SPTBN4: variants seen among roughly 807,000 people sequenced by gnomAD.
SPTBN4 encodes the protein spectrin beta chain, non-erythrocytic 4.
SPTBN4 carries 96 observed loss-of-function variants against 277.8 expected under a neutral mutation model. That is an observed-to-expected ratio of 0.35 (90% confidence interval 0.29 to 0.41). SPTBN4 has a LOEUF of 0.41. Among genes scored for constraint, SPTBN4 ranks in the 10% least tolerant of loss-of-function variants. SPTBN4 has a pLI of 1.00. For missense variants in SPTBN4, 3,006 were observed against 3,595.7 expected, an observed-to-expected ratio of 0.84 and a Z score of 4.19; for synonymous variants, 1,481 against 1,580.3, an observed-to-expected ratio of 0.94 and a Z score of 1.49.
chr19:40,566,115 A>T, intron 29 of SPTBN4, 48 bp from the exon 30 acceptor site: 1 of 1,451,384 alleles, frequency 6.9e-7, no homozygotes. Flanking sequence ...TGCCCCCAGG[A>T]AGGGCCCCAG....
chr19:40,502,769 C>T lies in SPTBN4; in HGVS notation c.1204-6C>T, dbSNP rs2080278132. The T allele has an allele frequency of 6.2e-7, 1 of 1,613,042 alleles. No individual in the cohort carries two copies. The highest frequency in any genetic ancestry group is 1.7e-5 in the Admixed American group (1 of 59,902). ...GAGTCTGAGTGCCTCCTCCCATCTCCTGCAGGCATGGGGTGAGCTGGAGAA... is the reference window on the plus strand; with the variant it reads ...GAGTCTGAGTGCCTCCTCCCATCTCTTGCAGGCATGGGGTGAGCTGGAGAA... On this transcript the variant is annotated splice_polypyrimidine_tract_variant and splice_region_variant and intron_variant, in intron 10 of 35. Transcript: ENST00000598249. The surrounding 1 kb of genome is among the most constrained non-coding windows in gnomAD (Gnocchi z 4.9).
At chr19:40,496,267 A>T (rs1347948536) in intron 6 of SPTBN4, among the ~76,000 whole-genome samples, 1 of 152,190 alleles carries the variant, frequency 6.6e-6, no homozygotes, top group African/African-American at 2.4e-5. Flanking sequence ...CTCCTGCCTC[A>T]GCGTCCTGAG....
At position 40,513,003 on chromosome 19, in the gene SPTBN4, C is replaced by T. The variant is rs1457021059; in HGVS notation, c.2214C>T (p.Thr738=). Residue 738 remains threonine (T), a synonymous_variant, in exon 14 of 36, where the codon ACC becomes ACT. Coordinates refer to ENST00000598249, the MANE Select transcript of SPTBN4 (RefSeq NM_020971.3). ...AGGAVGPGAD[T]VHLVGLAERA... is the part of the protein sequence containing the mutation. ...GTGCCGTCGGCCCGGGAGCAGACAC[C>T]GTGCACCTGGTAGGCCTGGCGGAGC... The T allele has an allele frequency of 4.9e-6, 7 of 1,434,954 alleles. No homozygotes were observed. In the East Asian group the frequency reaches 1.8e-4, roughly 38 times the overall value. The allele number at this position is 1,434,954 out of a possible 1,614,324, so 88.9% of individuals were successfully genotyped here. A position where few individuals can be genotyped will look rare whatever the true frequency, so the allele number is the denominator to read the frequency against.
chr19:40,564,834 T>TA (rs879351180), intron 27 of SPTBN4, among the ~76,000 whole-genome samples: 5,284 of 137,158 alleles, frequency 0.039, 115 homozygotes, highest in African/African-American at 0.052. Flanking sequence ...AAGACCCTAT[T>TA]AAAAAAAAAA....
At chr19:40,524,368 G>A (rs564765937) in intron 17 of SPTBN4, among the ~76,000 whole-genome samples, 23 of 151,744 alleles carry the variant, frequency 1.5e-4, no homozygotes, top group Non-Finnish European at 3.2e-4. Context: ...AAAGCTGGGC[G>A]TGGTGATGCG....
In SPTBN4 at chr19:40,554,112, C is replaced by G. The variant is rs911472297; in HGVS notation, c.4675-35C>G. The G allele has an allele frequency of 4.3e-6, 6 of 1,410,290 alleles. 1 individual carries two copies. Among genetic ancestry groups the G allele is most frequent in the Middle Eastern group, 5.3e-4 (2 of 3,804 alleles). The allele number at this position is 1,410,290 out of a possible 1,614,324, so 87.4% of individuals were successfully genotyped here. A position where few individuals can be genotyped will look rare whatever the true frequency, so the allele number is the denominator to read the frequency against. On this transcript the variant is annotated intron_variant, in intron 22 of 35. Transcript: ENST00000598249. This position sits in a 1 kb window ranked among gnomAD's most constrained non-coding sequence, Gnocchi z 5.7. The stretch of plus-strand genomic sequence containing the variant: ...GTCTTGCAGGGCCTCGGAACGCCCC[C>G]TCTCCACCCACATCCCCTTACCTCC...
chr19:40,564,123 G>A (rs1409803189), intron 27 of SPTBN4, among the ~76,000 whole-genome samples: 4 of 152,176 alleles, frequency 2.6e-5, no homozygotes, highest in Middle Eastern at 3.4e-3. Context: ...GGGAGGCCTA[G>A]GCAGGCGGAT....
Position 40,575,578 on chromosome 19 carries a change from C to T in SPTBN4, c.*9C>T, listed in dbSNP as rs939605806. 2.5e-6 allele frequency: 4 copies of T among 1,605,818 alleles called. No individual in the cohort carries two copies. The South Asian group carries it at 4.4e-5, about 18-fold the overall frequency. ...GCGGGCGCAGGAAGTGACTTCCCAC[C>T]CCCAGGACCTGACACATCTCGTCTC... On this transcript the variant is annotated 3_prime_UTR_variant, in exon 36 of 36. Coordinates refer to ENST00000598249, the MANE Select transcript of SPTBN4 (RefSeq NM_020971.3).
chr19:40,481,619 G>A (rs1411792635), intron 2 of SPTBN4, among the ~76,000 whole-genome samples: 2 of 152,140 alleles, frequency 1.3e-5, no homozygotes, highest in Non-Finnish European at 2.9e-5. Context: ...GGGATTACAG[G>A]CGCACACCAC....
chr19:40,568,459 A>C (rs1649634614), intron 31 of SPTBN4, among the ~76,000 whole-genome samples, 177 bp downstream of exon 31: 1 of 152,206 alleles, frequency 6.6e-6, no homozygotes, highest in South Asian at 2.1e-4. Context: ...CGATGTGCCC[A>C]TTGTTACACA....
chr19:40,471,798 G>A (rs1338280411), intron 1 of SPTBN4, among the ~76,000 whole-genome samples: 7 of 152,094 alleles, frequency 4.6e-5, no homozygotes, highest in Non-Finnish European at 1.5e-5. Context: ...GAGTGCAGTG[G>A]CGCTATCTTG....
chr19:40,550,297 G>A lies in SPTBN4; in HGVS notation c.4644G>A (p.Gln1548=), dbSNP rs1225528113. 4 of 1,611,538 alleles carry A rather than the reference G, an allele frequency of 2.5e-6. No individual in the cohort carries two copies. Among genetic ancestry groups the A allele is most frequent in the Non-Finnish European group, 3.4e-6 (4 of 1,180,016 alleles). Residue 1548 remains glutamine (Q), a synonymous_variant, in exon 22 of 36, where the codon CAG becomes CAA. Coordinates refer to ENST00000598249, the MANE Select transcript of SPTBN4 (RefSeq NM_020971.3). ...AMQTERGNGL[Q]AVQQHIKKNQ... ...AGACAGAGCGAGGCAACGGTTTGCAGGCGGTCCAGCAGCACATCAAAAAGA... is the reference window on the plus strand; with the variant it reads ...AGACAGAGCGAGGCAACGGTTTGCAAGCGGTCCAGCAGCACATCAAAAAGA...
At position 40,575,475 on chromosome 19, in the gene SPTBN4, G is replaced by A. The variant is rs921254185; in HGVS notation, c.7601G>A (p.Arg2534His). ...SSVAEHAEIA[R>H]WGQTLPTTSS... ...GTGGCGGAACACGCAGAGATCGCCC[G>A]CTGGGGCCAGACACTACCCACTACT... The change falls in exon 36 of 36, where the codon CGC becomes CAC. Residue 2534 changes from arginine (R) to histidine (H), a missense_variant. Transcript: ENST00000598249. 31 of 1,613,060 alleles carry A rather than the reference G, an allele frequency of 1.9e-5. No individual in the cohort carries two copies. The highest frequency in any genetic ancestry group is 1.6e-4 in the Middle Eastern group (1 of 6,078).
rs2080110240 is a variant in SPTBN4, at chr19:40,489,298, G to A, written c.322-777G>A. ...GGAATTGAGCCATAAACAAGGGGAAGAGCACTGGGGCAGGGCGGAGCTTGA... is the reference window on the plus strand; with the variant it reads ...GGAATTGAGCCATAAACAAGGGGAAAAGCACTGGGGCAGGGCGGAGCTTGA... On this transcript the variant is annotated intron_variant, in intron 3 of 35. Transcript: ENST00000598249. Among the ~76,000 whole-genome samples the A allele has an allele frequency of 2.0e-5, 3 of 151,982 alleles. No individual in the cohort carries two copies. The South Asian group carries it at 6.2e-4, about 32-fold the overall frequency.
chr19:40,550,177 T>C, intron 21 of SPTBN4, 61 bp from the exon 22 acceptor site: 1 of 1,444,022 alleles, frequency 6.9e-7, no homozygotes, highest in South Asian at 1.2e-5. Context: ...TAAAGTTTAG[T>C]TGCGATGCAG....
At chr19:40,481,812 C>T (rs1458335514) in intron 2 of SPTBN4, among the ~76,000 whole-genome samples, 3 of 151,980 alleles carry the variant, frequency 2.0e-5, no homozygotes, top group African/African-American at 7.3e-5. Context: ...ATTTTGGTGG[C>T]TGTGCATTCT....
rs147014112 is a variant in SPTBN4, at chr19:40,571,110, C to T, written c.7319+382C>T. Reference sequence around the variant, plus strand: ...GTTCTGAAAGTGAGTAAATTGGAACCTAACCTCTTAGCAACCAACCCAGGA... The same window carrying T: ...GTTCTGAAAGTGAGTAAATTGGAACTTAACCTCTTAGCAACCAACCCAGGA... On this transcript the variant is annotated intron_variant, in intron 33 of 35. Transcript: ENST00000598249. The T allele has an allele frequency of 1.9e-3, 362 of 195,082 alleles. 2 individuals are homozygous for T. Among genetic ancestry groups the T allele is most frequent in the African/African-American group, 8.3e-3 (351 of 42,308 alleles). The allele number at this position is 195,082 out of a possible 1,614,324, so 12.1% of individuals were successfully genotyped here.
chr19:40,503,770 G>A (rs1443996548), intron 11 of SPTBN4, 60 bp from the exon 12 acceptor site: 4 of 1,516,068 alleles, frequency 2.6e-6, no homozygotes, highest in African/African-American at 1.4e-5. Flanking sequence ...GTCACACAGG[G>A]TCAAGGTAAC....
chr19:40,486,954 G>A (rs1370473587), intron 2 of SPTBN4, among the ~76,000 whole-genome samples: 1 of 152,184 alleles, frequency 6.6e-6, no homozygotes, highest in Non-Finnish European at 1.5e-5. Context: ...AAACTTCAAG[G>A]GACAGGAAGG....
Sources: gnomAD v4.1 joint callset for allele counts (sites outside exome capture counted in the v4.1 genomes callset) on GRCh38, gnomAD v4.1.1 for gene constraint, Gnocchi (gnomAD v3.1) non-coding constraint, MANE v1.5 for transcripts, NCBI Gene and HGNC (gene_info 2026-07-23, HGNC 2026-07-21) for gene names.